The following PREPL variants were observed in gnomAD, a reference collection of about 807,000 sequenced individuals.
The protein encoded by PREPL is prolyl endopeptidase like.
A neutral mutation model predicts 70.6 loss-of-function variants in PREPL; 77 were observed. The observed-to-expected ratio is 1.09, with a 90% CI of 0.91 to 1.32. The LOEUF is 1.32. Among genes scored for constraint, PREPL ranks in the 40% most tolerant of loss-of-function variants. The probability of loss-of-function intolerance (pLI) is 0.00; values close to 1 mark genes in which losing one functional copy is unlikely to be tolerated. For synonymous variants in PREPL, 315 were observed against 264.8 expected, an observed-to-expected ratio of 1.19 and a Z score of -1.84; for missense variants, 1,002 against 778.2, an observed-to-expected ratio of 1.29 and a Z score of -3.42.
chr2:44,337,477 G>T (rs998948134), intron 7 of PREPL, among the ~76,000 whole-genome samples: 1 of 152,114 alleles, frequency 6.6e-6, no homozygotes, highest in African/African-American at 2.4e-5. Flanking sequence ...ACAGTATTGT[G>T]CACATGAAAG....
chr2:44,346,229 A>T, intron 2 of PREPL, 39 bp downstream of exon 2: 1 of 1,555,862 alleles, frequency 6.4e-7, no homozygotes, highest in Non-Finnish European at 8.8e-7. Context: ...TTGATTGGTA[A>T]TATCAAAAAT....
rs184638854 is a variant in PREPL at position 44,341,068 on chromosome 2, C to G, written c.485+1349G>C. Among the ~76,000 whole-genome samples the G allele has an allele frequency of 1.3e-3, 192 of 152,054 alleles. 1 individual carries two copies. The highest frequency in any genetic ancestry group is 4.6e-3 in the African/African-American group (190 of 41,480). ...AGTTTAATATTTTACGTAATCGAGA[C>G]TGCTACTACCCTTTGTAATTTCTTA... On this transcript the variant is annotated intron_variant, in intron 5 of 13. Coordinates refer to ENST00000409411, the MANE Select transcript of PREPL (RefSeq NM_001171613.2).
intron 1 of PREPL, among the ~76,000 whole-genome samples, chr2:44,348,482 T>C (rs1572549033): frequency 6.6e-6 from 1 of 152,172 alleles, no homozygotes. Context: ...CAGGATTATC[T>C]CTCTACTACC....
rs774607197 is a variant in PREPL, at chr2:44,342,595, T to G, written c.350-43A>C. 8.8e-6 allele frequency: 10 copies of G among 1,142,520 alleles called. No homozygotes were observed. In the South Asian group the frequency reaches 1.1e-4, roughly 13 times the overall value. 70.8% of individuals were successfully genotyped at this position (1,142,520 alleles called of 1,614,324 possible). ...GATAATTATACATAATCACCTACAC[T>G]CCATTAAAAAAAAAAAAAAAGCACA... is the stretch of plus-strand genomic sequence containing the variant. On this transcript the variant is annotated intron_variant, in intron 4 of 13. Transcript: ENST00000409411.
intron 1 of PREPL, 66 bp from the exon 2 acceptor site, chr2:44,346,456 G>A (rs2104025429): frequency 1.4e-6 from 2 of 1,448,734 alleles, no homozygotes; most frequent in East Asian, 2.3e-5. Flanking sequence ...GCTTTTTAAA[G>A]ATAAGTAGGT....
Position 44,334,744 on chromosome 2 carries a change from T to C in PREPL, c.889-2088A>G, listed in dbSNP as rs143888080. Among the ~76,000 whole-genome samples, 536 of 152,216 alleles carry C rather than the reference T, an allele frequency of 3.5e-3. 2 individuals are homozygous for C. The highest frequency in any genetic ancestry group is 0.012 in the African/African-American group (499 of 41,510). ...TATTTTTAGTATTCTTTGTATTTTA[T>C]ATTTTTTGTATTTTTAGTAGAGACA... On this transcript the variant is annotated intron_variant, in intron 7 of 13. Coordinates refer to ENST00000409411, the MANE Select transcript of PREPL (RefSeq NM_001171613.2).
chr2:44,326,869 T>C lies in PREPL; in HGVS notation c.1322A>G (p.Asn441Ser), dbSNP rs1234653158. ...HADGRLTKKLNGLADLEACIK... is the reference protein window; with the variant it reads ...HADGRLTKKLSGLADLEACIK... ...GCAAGCCTCTAAATCAGCAAGGCCA[T>C]TGAGTTTTTTAGTTAGGCGGCCATC... Residue 441 changes from asparagine (N) to serine (S), a missense_variant, in exon 10 of 14, where the codon AAT (asparagine) becomes AGT (serine). By Grantham distance (46) the Asn-to-Ser change is conservative. Transcript: ENST00000409411. 1.9e-6 allele frequency: 3 copies of C among 1,614,170 alleles called. No individual in the cohort carries two copies. The highest frequency in any genetic ancestry group is 2.2e-5 in the East Asian group (1 of 44,884).
chr2:44,345,352 A>AT (rs111835753), intron 2 of PREPL, among the ~76,000 whole-genome samples: 9,072 of 150,128 alleles, frequency 0.06, 315 homozygotes, highest in South Asian at 0.14. Flanking sequence ...AATTCAATTC[A>AT]TTTTTTCTTT....
In PREPL at chr2:44,320,712, G is replaced by T; in HGVS notation, c.*644C>A. On this transcript the variant is annotated 3_prime_UTR_variant, in exon 14 of 14. Coordinates refer to ENST00000409411, the MANE Select transcript of PREPL (RefSeq NM_001171613.2). ...AGCATTTGTAATAGCTTCATGTACA[G>T]CATGCTGCTTGGTGAACAATCATTA... 1 of 1,124,382 alleles carries T rather than the reference G, an allele frequency of 8.9e-7. No individual in the cohort carries two copies. Among genetic ancestry groups the T allele is most frequent in the Non-Finnish European group, 1.4e-6 (1 of 736,914 alleles). The allele number at this position is 1,124,382 out of a possible 1,614,324, so 69.7% of individuals were successfully genotyped here.
Position 44,321,163 on chromosome 2 carries a change from G to A in PREPL, c.*193C>T, listed in dbSNP as rs781489487. On this transcript the variant is annotated 3_prime_UTR_variant, in exon 14 of 14. Coordinates refer to ENST00000409411, the MANE Select transcript of PREPL (RefSeq NM_001171613.2). ...GAAAATTACTTTCCTAGGTTAATGGGCATGTGCATCAATGGAGAGAATAGT... is the reference window on the plus strand; with the variant it reads ...GAAAATTACTTTCCTAGGTTAATGGACATGTGCATCAATGGAGAGAATAGT... The A allele has an allele frequency of 1.4e-5, 8 of 571,674 alleles. No homozygotes were observed. Among genetic ancestry groups the A allele is most frequent in the Non-Finnish European group, 2.2e-5 (7 of 317,056 alleles). 35.4% of individuals were successfully genotyped at this position (571,674 alleles called of 1,614,324 possible).
chr2:44,351,956 A>G (rs1333857626), intron 1 of PREPL, among the ~76,000 whole-genome samples: 1 of 152,202 alleles, frequency 6.6e-6, no homozygotes, highest in Non-Finnish European at 1.5e-5. Flanking sequence ...GTCCCATTAC[A>G]TTGCTGACCT....
At chr2:44,359,822 G>A (rs779972600) in intron 1 of PREPL, 17 of 742,042 alleles carry the variant, frequency 2.3e-5, no homozygotes, top group Non-Finnish European at 3.6e-5. Flanking sequence ...AAGATCAGCA[G>A]TTCTCATCCC....
intron 7 of PREPL, among the ~76,000 whole-genome samples, chr2:44,335,106 T>A (rs1045266423): frequency 6.6e-6 from 1 of 152,188 alleles, no homozygotes; most frequent in Non-Finnish European, 1.5e-5. Context: ...CACTTGATGA[T>A]GACTAGAACA....
At chr2:44,357,052 C>T (rs1221644220) in intron 1 of PREPL, among the ~76,000 whole-genome samples, 1 of 152,216 alleles carries the variant, frequency 6.6e-6, no homozygotes, top group East Asian at 1.9e-4. Context: ...ACAATCTGCT[C>T]GCCTTGGCCT....
intron 8 of PREPL, among the ~76,000 whole-genome samples, chr2:44,332,169 A>G (rs189299687): frequency 4.6e-5 from 7 of 151,912 alleles, no homozygotes; most frequent in Non-Finnish European, 7.4e-5. Context: ...GATGGTCTCG[A>G]TCTCCTGACC....
intron 11 of PREPL, 133 bp downstream of exon 11, chr2:44,323,129 G>A (rs901765881): frequency 3.3e-6 from 3 of 905,102 alleles, no homozygotes; most frequent in African/African-American, 3.4e-5. Flanking sequence ...AGCAGAGATG[G>A]TGCTGAAGAT....
In PREPL at chr2:44,322,758, C is replaced by T. The variant is rs145230776; in HGVS notation, c.1726G>A (p.Ala576Thr). 42 of 1,613,696 alleles carry T rather than the reference C, an allele frequency of 2.6e-5. No individual in the cohort carries two copies. The African/African-American group carries it at 3.1e-4, about 12-fold the overall frequency. The change falls in exon 12 of 14, where the codon GCG (alanine) becomes ACG (threonine). Residue 576 changes from alanine (A) to threonine (T), a missense_variant. Ala to Thr is a moderately conservative substitution (Grantham distance 58). Coordinates refer to ENST00000409411, the MANE Select transcript of PREPL (RefSeq NM_001171613.2). ...TCACCTGTGTCCTTAGCATGCTCCG[C>T]GATGGCTTCCTTGAGTTTCTCAGTA... ...SYTEKLKEAIAEHAKDTGEGY... is the reference protein window; with the variant it reads ...SYTEKLKEAITEHAKDTGEGY...
At position 44,338,510 on chromosome 2, in the gene PREPL, A is replaced by G; in HGVS notation, c.729T>C (p.Pro243=). The change falls in exon 7 of 14, where the codon CCT becomes CCC. Residue 243 remains proline, a synonymous_variant. Coordinates refer to ENST00000409411, the MANE Select transcript of PREPL (RefSeq NM_001171613.2). The part of the protein sequence containing the change: ...FKLMRTAADT[P]AIMNWDLFFT... ...AAAATAAATCCCAATTCATAATTGC[A>G]GGGGTATCAGCCGCTGTTCTCATTA... 6.2e-7 allele frequency: 1 copy of G among 1,612,050 alleles called. No homozygotes were observed. The highest frequency in any genetic ancestry group is 8.5e-7 in the Non-Finnish European group (1 of 1,179,526).
At chr2:44,334,128 T>C (rs1342790285) in intron 7 of PREPL, among the ~76,000 whole-genome samples, 2 of 152,222 alleles carry the variant, frequency 1.3e-5, no homozygotes, top group Non-Finnish European at 2.9e-5. Flanking sequence ...AATGCAGATA[T>C]AAGTATTAAC....
Sources: gnomAD v4.1 joint callset for allele counts (sites outside exome capture counted in the v4.1 genomes callset) on GRCh38, gnomAD v4.1.1 for gene constraint, MANE v1.5 for transcripts, NCBI Gene and HGNC (gene_info 2026-07-23, HGNC 2026-07-21) for gene names.